ANO4: variants seen among roughly 807,000 people sequenced by gnomAD.
ANO4 encodes the protein anoctamin-4.
In ANO4, 69 loss-of-function variants were observed where a neutral mutation model predicts 141.9. The ratio of observed to expected loss-of-function variants is 0.49; its 90% confidence interval spans 0.40 to 0.59. ANO4 has a LOEUF of 0.59. Among genes scored for constraint, ANO4 ranks in the 20% least tolerant of loss-of-function variants. The probability of loss-of-function intolerance (pLI) is 0.00; values close to 1 mark genes in which losing one functional copy is unlikely to be tolerated. For synonymous variants in ANO4, 350 were observed against 394.3 expected, an observed-to-expected ratio of 0.89 and a Z score of 1.33; for missense variants, 894 against 1,162.2, an observed-to-expected ratio of 0.77 and a Z score of 3.36.
At chr12:100,972,810 A>G (rs1472534252) in intron 6 of ANO4, among the ~76,000 whole-genome samples, 1 of 152,224 alleles carries the variant, frequency 6.6e-6, no homozygotes, top group Non-Finnish European at 1.5e-5. Flanking sequence ...AATCTCATAA[A>G]ACCTTCTGCC....
chr12:100,869,480 C>T (rs762030434), intron 1 of ANO4, among the ~76,000 whole-genome samples: 27 of 152,060 alleles, frequency 1.8e-4, no homozygotes, highest in African/African-American at 6.3e-4. Context: ...TTTGTGGGTT[C>T]GAAGTTTTCA....
intron 26 of ANO4, 124 bp downstream of exon 26, chr12:101,120,749 A>G: frequency 1.4e-6 from 1 of 708,372 alleles, no homozygotes; most frequent in South Asian, 1.9e-5. Context: ...TAGTAGTGTC[A>G]TATTATGTAA....
chr12:100,923,930 G>A (rs1419352346), intron 3 of ANO4, among the ~76,000 whole-genome samples: 1 of 152,064 alleles, frequency 6.6e-6, no homozygotes, highest in Non-Finnish European at 1.5e-5. Flanking sequence ...CTGTATAAAT[G>A]TCTTCTTTTG....
chr12:100,729,737 A>C (rs1211677811), intron 1 of ANO4, among the ~76,000 whole-genome samples: 1 of 152,194 alleles, frequency 6.6e-6, no homozygotes, highest in Non-Finnish European at 1.5e-5. Context: ...TTTTGTTTTA[A>C]TTCCAGTAGG....
chr12:101,018,091 T>C (rs939803938), intron 8 of ANO4, among the ~76,000 whole-genome samples: 2 of 152,248 alleles, frequency 1.3e-5, no homozygotes, highest in African/African-American at 4.8e-5. Flanking sequence ...GCTTCTCAGC[T>C]TTCAGTTATC....
At chr12:101,074,671 T>C (rs551820265) in intron 14 of ANO4, among the ~76,000 whole-genome samples, 3 of 152,298 alleles carry the variant, frequency 2.0e-5, no homozygotes, top group African/African-American at 4.8e-5. Flanking sequence ...ACACTTTTAT[T>C]GCAAGACAAA....
At chr12:100,730,134 T>C (rs1192559152) in intron 1 of ANO4, among the ~76,000 whole-genome samples, 3 of 152,166 alleles carry the variant, frequency 2.0e-5, no homozygotes, top group Admixed American at 6.6e-5. Flanking sequence ...TAGATCAGGA[T>C]AGAGCCCTAG....
chr12:100,925,485 T>C (rs1040033553), intron 3 of ANO4, among the ~76,000 whole-genome samples: 1 of 145,814 alleles, frequency 6.9e-6, no homozygotes, highest in Non-Finnish European at 1.5e-5. Flanking sequence ...GTGTCATCCA[T>C]GTCCTGTCGG....
intron 26 of ANO4, among the ~76,000 whole-genome samples, chr12:101,122,815 G>A (rs1421107203): frequency 6.6e-6 from 1 of 152,104 alleles, no homozygotes; most frequent in Non-Finnish European, 1.5e-5. Flanking sequence ...TTTTCCAATA[G>A]GACTGGGTAT....
chr12:100,989,551 GTGGA>G (rs377197749), intron 8 of ANO4, among the ~76,000 whole-genome samples: 11,990 of 144,554 alleles, frequency 0.083, 503 homozygotes, highest in South Asian at 0.15. Flanking sequence ...GGGTGGGTGG[GTGGA>G]TGGATGGATG....
At chr12:101,011,915 A>C (rs185904552) in intron 8 of ANO4, among the ~76,000 whole-genome samples, 1 of 152,234 alleles carries the variant, frequency 6.6e-6, no homozygotes, top group East Asian at 1.9e-4. Flanking sequence ...GTTTTTAACC[A>C]TGCAGATTTT....
intron 5 of ANO4, among the ~76,000 whole-genome samples, chr12:100,943,855 A>T (rs2042609404): frequency 6.6e-6 from 1 of 152,188 alleles, no homozygotes. Context: ...TTAATAGCAC[A>T]TTCATATTTT....
Position 100,939,316 on chromosome 12 carries a change from G to A in ANO4, c.162G>A (p.Met54Ile). The change falls in exon 4 of 28, where the codon ATG becomes ATA. Residue 54 changes from methionine (M) to isoleucine (I), a missense_variant and splice_region_variant. Transcript: ENST00000392977. The stretch of plus-strand genomic sequence containing the variant: ...ATAATGTATTTACTTTGGTTCTAGT[G>A]GCCAAGGATGTCAATATTCTTTTTG... ...FSEILNAIQE[M>I]AKDVNILFDE... 1.9e-6 allele frequency: 3 copies of A among 1,612,656 alleles called. No homozygotes were observed. The highest frequency in any genetic ancestry group is 2.5e-6 in the Non-Finnish European group (3 of 1,179,056).
At chr12:100,800,693 A>C (rs2034628747) in intron 1 of ANO4, among the ~76,000 whole-genome samples, 1 of 152,240 alleles carries the variant, frequency 6.6e-6, no homozygotes, top group Admixed American at 6.5e-5. Context: ...CCTGTTTCCT[A>C]GAATCTTAAA....
At chr12:100,883,534 T>G (rs1386182318) in intron 1 of ANO4, among the ~76,000 whole-genome samples, 1 of 152,206 alleles carries the variant, frequency 6.6e-6, no homozygotes, top group Non-Finnish European at 1.5e-5. Flanking sequence ...GCCAATGGGT[T>G]TTGGGATAAG....
exon 1 of ANO4, chr12:100,717,534 C>T: frequency 5.0e-6 from 2 of 399,482 alleles, no homozygotes; most frequent in Non-Finnish European, 8.9e-6. Flanking sequence ...GGATGGCCTC[C>T]CTCACCGCAT....
chr12:101,050,482 A>G (rs1397051172), intron 14 of ANO4, among the ~76,000 whole-genome samples: 4 of 152,212 alleles, frequency 2.6e-5, no homozygotes, highest in Non-Finnish European at 4.4e-5. Flanking sequence ...AAGAATGCGT[A>G]TATAGTTTTA....
intron 7 of ANO4, among the ~76,000 whole-genome samples, chr12:100,979,314 GC>G (rs1297273242): frequency 6.6e-6 from 1 of 152,074 alleles, no homozygotes; most frequent in Non-Finnish European, 1.5e-5. Context: ...CATCTGGAGG[GC>G]TTTTAAAAAC....
chr12:101,089,698 A>G (rs1050796143), intron 17 of ANO4, among the ~76,000 whole-genome samples: 1 of 152,248 alleles, frequency 6.6e-6, no homozygotes, highest in African/African-American at 2.4e-5. Context: ...CAAAGGCTTC[A>G]TGACTAAAAC....
Sources: allele counts gnomAD v4.1 joint callset (sites outside exome capture counted in the v4.1 genomes callset), GRCh38; gene constraint gnomAD v4.1.1; transcripts MANE v1.5; gene names NCBI Gene and HGNC (gene_info 2026-07-23, HGNC 2026-07-21).